Variants in TRIM60 observed in about 807,000 individuals in gnomAD.
TRIM60 encodes tripartite motif-containing protein 60.
For synonymous variants in TRIM60, 189 were observed against 195.2 expected, an observed-to-expected ratio of 0.97 and a Z score of 0.27; for missense variants, 524 against 540.8, an observed-to-expected ratio of 0.97 and a Z score of 0.31.
chr4:165,039,298 A>T (rs185154369), intron 2 of TRIM60, 46 bp downstream of exon 2: 45 of 152,254 alleles, frequency 3.0e-4, no homozygotes, highest in African/African-American at 9.4e-4. Flanking sequence ...CTAGAGTAAA[A>T]TTTTGAGAAT....
rs772964136 is a variant in TRIM60 at position 165,041,265 on chromosome 4, C to T, written c.1193C>T (p.Ala398Val). Residue 398 changes from alanine to valine, a missense_variant, in exon 3 of 3, where the codon GCG becomes GTG. Physicochemically the swap from Ala to Val is moderately conservative, Grantham distance 64. Transcript: ENST00000512596. Reference protein sequence around the residue: ...IGRYMKSGYVASGPKTTQLLP... With the variant: ...IGRYMKSGYVVSGPKTTQLLP... Reference sequence around the variant, plus strand: ...CGATACATGAAGAGTGGTTATGTTGCGTCAGGTCCTAAGACAACCCAGCTT... The same window carrying T: ...CGATACATGAAGAGTGGTTATGTTGTGTCAGGTCCTAAGACAACCCAGCTT... 5 of 1,614,008 alleles carry T rather than the reference C, an allele frequency of 3.1e-6. No homozygotes were observed. The highest frequency in any genetic ancestry group is 1.7e-5 in the Admixed American group (1 of 59,986).
In TRIM60 at chr4:165,040,742, T is replaced by C; in HGVS notation, c.670T>C (p.Ser224Pro). The C allele has an allele frequency of 6.2e-7, 1 of 1,614,142 alleles. No homozygotes were observed. Among genetic ancestry groups the C allele is most frequent in the South Asian group, 1.1e-5 (1 of 91,062 alleles). Residue 224 changes from serine to proline, a missense_variant, in exon 3 of 3, where the codon TCA becomes CCA. Ser to Pro is a moderately conservative substitution (Grantham distance 74, BLOSUM62 -1). Coordinates refer to ENST00000512596, the MANE Select transcript of TRIM60 (RefSeq NM_152620.3). ...ACTAAATGAAAACCTTGTAGAACTTTCAGATTATGTTTCCACATTAAAACA... is the reference window on the plus strand; with the variant it reads ...ACTAAATGAAAACCTTGTAGAACTTCCAGATTATGTTTCCACATTAAAACA... ...AKLNENLVELSDYVSTLKHLL... is the reference protein window; with the variant it reads ...AKLNENLVELPDYVSTLKHLL...
Position 165,041,151 on chromosome 4 carries a change from C to T in TRIM60, c.1079C>T (p.Pro360Leu). Reference sequence around the variant, plus strand: ...TGGGAAGTAGAAGTGGGAAACAAACCTAAATGGATATTGGGTGTGTGTCAA... The same window carrying T: ...TGGGAAGTAGAAGTGGGAAACAAACTTAAATGGATATTGGGTGTGTGTCAA... ...HYWEVEVGNK[P>L]KWILGVCQDC... Residue 360 changes from proline to leucine, a missense_variant, in exon 3 of 3, where the codon CCT becomes CTT. By Grantham distance (98) the Pro-to-Leu change is moderately conservative. Transcript: ENST00000512596. The T allele has an allele frequency of 6.2e-7, 1 of 1,614,154 alleles. No individual in the cohort carries two copies. The highest frequency in any genetic ancestry group is 8.5e-7 in the Non-Finnish European group (1 of 1,180,036).
At position 165,040,676 on chromosome 4, in the gene TRIM60, C is replaced by A. The variant is rs78582478; in HGVS notation, c.604C>A (p.Leu202Ile). 689 of 1,613,782 alleles carry A rather than the reference C, an allele frequency of 4.3e-4. 2 individuals carry two copies. In the African/African-American group the frequency reaches 8.2e-3, roughly 19 times the overall value. The change falls in exon 3 of 3, where the codon CTT becomes ATT. Residue 202 changes from leucine (L) to isoleucine (I), a missense_variant. Physicochemically the swap from Leu to Ile is conservative, Grantham distance 5. Coordinates refer to ENST00000512596, the MANE Select transcript of TRIM60 (RefSeq NM_152620.3). ...LFLQNEQEMI[L>I]RQIQDEEMNI... The stretch of plus-strand genomic sequence containing the variant: ...TTTACAGAATGAACAAGAGATGATT[C>A]TTAGGCAGATACAAGATGAAGAGAT...
At chr4:165,034,781 T>C (rs1162726693) in intron 1 of TRIM60, among the ~76,000 whole-genome samples, 3 of 152,226 alleles carry the variant, frequency 2.0e-5, no homozygotes, top group African/African-American at 7.2e-5. Flanking sequence ...AAAATTGGAA[T>C]GTACATGACA....
chr4:165,036,184 A>G (rs1205047713), intron 1 of TRIM60, among the ~76,000 whole-genome samples: 1 of 152,190 alleles, frequency 6.6e-6, no homozygotes, highest in Non-Finnish European at 1.5e-5. Flanking sequence ...CTTCCGCACA[A>G]TACCACTTGG....
At chr4:165,033,343 T>A (rs1733550493) in intron 1 of TRIM60, among the ~76,000 whole-genome samples, 1 of 152,198 alleles carries the variant, frequency 6.6e-6, no homozygotes, top group African/African-American at 2.4e-5. Context: ...TACACCAGCA[T>A]AAGAATCAGA....
At position 165,040,736 on chromosome 4, in the gene TRIM60, G is replaced by T; in HGVS notation, c.664G>T (p.Glu222Ter). The T allele has an allele frequency of 6.2e-7, 1 of 1,614,092 alleles. No homozygotes were observed. The highest frequency in any genetic ancestry group is 1.1e-5 in the South Asian group (1 of 91,066). Reference sequence around the variant, plus strand: ...AGCAAAACTAAATGAAAACCTTGTAGAACTTTCAGATTATGTTTCCACATT... The same window carrying T: ...AGCAAAACTAAATGAAAACCTTGTATAACTTTCAGATTATGTTTCCACATT... ...ILAKLNENLV[E>*]LSDYVSTLKH... Residue 222 changes from glutamate to a stop codon, truncating the protein, a stop_gained, in exon 3 of 3, where the codon GAA (glutamate) becomes TAA (stop). Transcript: ENST00000512596. LOFTEE classifies it low-confidence loss of function (END_TRUNC).
chr4:165,041,002 C>T lies in TRIM60; in HGVS notation c.930C>T (p.Val310=), dbSNP rs758919484. The T allele has an allele frequency of 6.2e-7, 1 of 1,614,022 alleles. No individual in the cohort carries two copies. ...ACACAGCACATCCTCAACTTCTTGTCTCTGAGGATAGAAAAGCTGTGCGAT... is the reference window on the plus strand; with the variant it reads ...ACACAGCACATCCTCAACTTCTTGTTTCTGAGGATAGAAAAGCTGTGCGAT... The part of the protein sequence containing the change: ...DLNTAHPQLL[V]SEDRKAVRYE... The change falls in exon 3 of 3, where the codon GTC becomes GTT. Residue 310 remains valine, a synonymous_variant. Coordinates refer to ENST00000512596, the MANE Select transcript of TRIM60 (RefSeq NM_152620.3).
intron 1 of TRIM60, among the ~76,000 whole-genome samples, chr4:165,038,417 A>G (rs1414434227): frequency 6.6e-6 from 1 of 152,040 alleles, no homozygotes; most frequent in Admixed American, 6.6e-5. Context: ...GGCTGGGCAT[A>G]GTGGCTCACA....
In TRIM60 at chr4:165,041,185, T is replaced by A. The variant is rs767029036; in HGVS notation, c.1113T>A (p.Leu371=). The part of the protein sequence containing the change: ...KWILGVCQDC[L]LRNWQDQPSV... ...TATTGGGTGTGTGTCAAGACTGTCTTCTTAGGAACTGGCAGGATCAGCCAT... is the reference window on the plus strand; with the variant it reads ...TATTGGGTGTGTGTCAAGACTGTCTACTTAGGAACTGGCAGGATCAGCCAT... Residue 371 remains leucine (L), a synonymous_variant, in exon 3 of 3, where the codon CTT becomes CTA. Coordinates refer to ENST00000512596, the MANE Select transcript of TRIM60 (RefSeq NM_152620.3). 1 of 1,614,204 alleles carries A rather than the reference T, an allele frequency of 6.2e-7. No individual in the cohort carries two copies. Among genetic ancestry groups the A allele is most frequent in the South Asian group, 1.1e-5 (1 of 91,080 alleles).
At chr4:165,034,208 A>G (rs1248281360) in intron 1 of TRIM60, among the ~76,000 whole-genome samples, 1 of 151,022 alleles carries the variant, frequency 6.6e-6, no homozygotes, top group African/African-American at 2.4e-5. Context: ...GATGGAGTGC[A>G]GTGGCGTGAT....
rs1170396960 is a variant in TRIM60, at chr4:165,040,387, C to T, written c.315C>T (p.Thr105=). ...AMCEKHNQFL[T]LFCVKDLEIL... ...GTGAAAAACACAACCAGTTTCTGAC[C>T]CTCTTCTGTGTTAAAGATCTAGAGA... The change falls in exon 3 of 3, where the codon ACC becomes ACT. Residue 105 remains threonine, a synonymous_variant. Transcript: ENST00000512596. 2.0e-5 allele frequency: 32 copies of T among 1,614,124 alleles called. No homozygotes were observed. Among genetic ancestry groups the T allele is most frequent in the Non-Finnish European group, 2.7e-5 (32 of 1,180,030 alleles).
intron 1 of TRIM60, among the ~76,000 whole-genome samples, chr4:165,037,702 TA>T (rs1277931717): frequency 6.6e-6 from 1 of 152,164 alleles, no homozygotes; most frequent in Non-Finnish European, 1.5e-5. Context: ...CCTGTTTCAT[TA>T]AATCTAAGAT....
chr4:165,040,162 CTG>C lies in TRIM60; in HGVS notation c.93_94del (p.Cys31TrpfsTer18), dbSNP rs760113507. 2 of 1,614,028 alleles carry C rather than the reference CTG, an allele frequency of 1.2e-6. No homozygotes were observed. Among genetic ancestry groups the C allele is most frequent in the African/African-American group, 2.7e-5 (2 of 74,920 alleles). On this transcript the variant is annotated frameshift_variant, in exon 3 of 3. Transcript: ENST00000512596. LOFTEE classifies it low-confidence loss of function (END_TRUNC). The stretch of plus-strand genomic sequence containing the variant: ...ACTTGAAAGACCCAGTGACCATCAA[CTG>C]TGGGCACAACTTCTGTCGCTCCTGC... ...EYLKDPVTIN[C>X]GHNFCRSCLS...
chr4:165,041,661 AATTGTCAGGTGCTTTGATTTCTAAG>A lies in TRIM60; in HGVS notation c.*176_*200del. ...CACTTTCATATATTCTATGAATATCAATTGTCAGGTGCTTTGATTTCTAAGATAAAATATTTTAGAATTATGTTAC... is the reference window on the plus strand; with the variant it reads ...CACTTTCATATATTCTATGAATATCAATAAAATATTTTAGAATTATGTTAC... On this transcript the variant is annotated 3_prime_UTR_variant, in exon 3 of 3. Transcript: ENST00000512596. 1 of 423,834 alleles carries A rather than the reference AATTGTCAGGTGCTTTGATTTCTAAG, an allele frequency of 2.4e-6. No homozygotes were observed. Among genetic ancestry groups the A allele is most frequent in the Non-Finnish European group, 4.3e-6 (1 of 232,254 alleles). The allele number at this position is 423,834 out of a possible 1,614,324, so 26.3% of individuals were successfully genotyped here. A position where few individuals can be genotyped will look rare whatever the true frequency, so the allele number is the denominator to read the frequency against.
chr4:165,035,476 G>A (rs13110766), intron 1 of TRIM60, among the ~76,000 whole-genome samples: 42,203 of 152,146 alleles, frequency 0.28, 7,209 homozygotes, highest in East Asian at 0.66. Context: ...AGTCCGCTCT[G>A]CGTGATGTCA....
intron 1 of TRIM60, among the ~76,000 whole-genome samples, chr4:165,036,151 G>C (rs1733616846): frequency 6.6e-6 from 1 of 152,222 alleles, no homozygotes; most frequent in African/African-American, 2.4e-5. Context: ...AAGGGTGGCA[G>C]TCTTAGGCCT....
rs767786030 is a variant in TRIM60 at position 165,041,207 on chromosome 4, C to T, written c.1135C>T (p.Pro379Ser). Residue 379 changes from proline (P) to serine (S), a missense_variant, in exon 3 of 3, where the codon CCA becomes TCA. Coordinates refer to ENST00000512596, the MANE Select transcript of TRIM60 (RefSeq NM_152620.3). ...DCLLRNWQDQ[P>S]SVLGGFWAIG... ...TCTTCTTAGGAACTGGCAGGATCAG[C>T]CATCAGTTCTGGGCGGATTCTGGGC... is the stretch of plus-strand genomic sequence containing the variant. 3.7e-6 allele frequency: 6 copies of T among 1,614,164 alleles called. No homozygotes were observed. Among genetic ancestry groups the T allele is most frequent in the South Asian group, 1.1e-5 (1 of 91,086 alleles).
Sources: allele counts gnomAD v4.1 joint callset (sites outside exome capture counted in the v4.1 genomes callset), GRCh38; gene constraint gnomAD v4.1.1; transcripts MANE v1.5; gene names NCBI Gene and HGNC (gene_info 2026-07-23, HGNC 2026-07-21).